Variants in ACSL1 observed in about 807,000 individuals in gnomAD.
ACSL1 encodes long-chain-fatty-acid--CoA ligase 1.
In ACSL1, 41 loss-of-function variants were observed where a neutral mutation model predicts 98.4. The ratio of observed to expected loss-of-function variants is 0.42; its 90% CI spans 0.32 to 0.54. The LOEUF is 0.54. Among genes scored for constraint, ACSL1 ranks in the 20% least tolerant of loss-of-function variants. ACSL1 has a pLI of 0.13. For missense variants in ACSL1, 734 were observed against 883.1 expected, an observed-to-expected ratio of 0.83 and a Z score of 2.14; for synonymous variants, 316 against 322.7, an observed-to-expected ratio of 0.98 and a Z score of 0.22.
intron 17 of ACSL1, 146 bp downstream of exon 17, chr4:184,762,261 C>T (rs930576308): frequency 2.9e-6 from 2 of 697,756 alleles, no homozygotes; most frequent in African/African-American, 1.8e-5. Context: ...GGAAATGGAA[C>T]AGTCTACATC....
intron 2 of ACSL1, among the ~76,000 whole-genome samples, chr4:184,796,277 T>A (rs536551607): frequency 6.6e-6 from 1 of 152,318 alleles, no homozygotes; most frequent in South Asian, 2.1e-4. Flanking sequence ...GCTCCTCAGT[T>A]TGCAGATGGC....
intron 4 of ACSL1, among the ~76,000 whole-genome samples, chr4:184,782,325 T>G: frequency 6.7e-6 from 1 of 149,776 alleles, no homozygotes. Context: ...ATTCATTGGA[T>G]GACTGAAAAA....
At chr4:184,819,142 T>C (rs867813641) in intron 1 of ACSL1, among the ~76,000 whole-genome samples, 6,172 of 127,154 alleles carry the variant, frequency 0.049, 407 homozygotes, top group African/African-American at 0.24. Context: ...TAGATGTACT[T>C]TTTTTTTTTT....
chr4:184,822,050 G>A (rs1165053116), intron 1 of ACSL1, among the ~76,000 whole-genome samples: 1 of 152,172 alleles, frequency 6.6e-6, no homozygotes, highest in African/African-American at 2.4e-5. Context: ...TTAGATATTA[G>A]ACAGCTTTCA....
At position 184,766,709 on chromosome 4, in the gene ACSL1, A is replaced by G. The variant is rs11727009; in HGVS notation, c.1176T>C (p.Phe392=). ...GCTCTGCTTCTTTCCTCTTGGAGGC[A>G]AAGTCCAAGAGCCATCGCTTCAGCG... ...NTTLKRWLLD[F]ASKRKEAELR... is the part of the protein sequence containing the mutation. The change falls in exon 13 of 21, where the codon TTT becomes TTC. Residue 392 remains phenylalanine, a synonymous_variant. Transcript: ENST00000281455. This position sits in a 1 kb window ranked among gnomAD's most constrained non-coding sequence, Gnocchi z 4.8. 379,947 of 1,613,762 alleles carry G rather than the reference A, an allele frequency of 0.24. 45,584 individuals are homozygous for G. Among genetic ancestry groups the G allele is most frequent in the Middle Eastern group, 0.28 (1,703 of 6,040 alleles).
At chr4:184,802,460 G>A (rs1466085328) in intron 2 of ACSL1, among the ~76,000 whole-genome samples, 4 of 152,020 alleles carry the variant, frequency 2.6e-5, no homozygotes, top group African/African-American at 7.2e-5. Flanking sequence ...TGCTGAATGC[G>A]GGAAACACTG....
At chr4:184,801,379 G>A (rs1270345112) in intron 2 of ACSL1, among the ~76,000 whole-genome samples, 1 of 152,146 alleles carries the variant, frequency 6.6e-6, no homozygotes, top group Non-Finnish European at 1.5e-5. Flanking sequence ...GCAGAATGAG[G>A]GTGGGAACTG....
At chr4:184,769,812 G>A (rs529560277) in intron 11 of ACSL1, among the ~76,000 whole-genome samples, 2 of 152,168 alleles carry the variant, frequency 1.3e-5, no homozygotes, top group Non-Finnish European at 2.9e-5. Flanking sequence ...TGTCAAAGAA[G>A]GAAAAAAGGT....
intron 6 of ACSL1, 61 bp downstream of exon 6, chr4:184,776,823 T>C: frequency 6.4e-7 from 1 of 1,564,030 alleles, no homozygotes; most frequent in South Asian, 1.1e-5. Context: ...TAAGCAAATG[T>C]AAAGTCACTG....
rs987512910 is a variant in ACSL1, at chr4:184,766,114, G to A, written c.1264-128C>T. 1.9e-5 allele frequency: 15 copies of A among 797,898 alleles called. No individual in the cohort carries two copies. The highest frequency in any genetic ancestry group is 5.1e-5 in the Admixed American group (2 of 39,298). 49.4% of individuals were successfully genotyped at this position (797,898 alleles called of 1,614,324 possible). A position where few individuals can be genotyped will look rare whatever the true frequency, so the allele number is the denominator to read the frequency against. On this transcript the variant is annotated intron_variant, in intron 13 of 20. Coordinates refer to ENST00000281455, the MANE Select transcript of ACSL1 (RefSeq NM_001995.5). This position sits in a 1 kb window ranked among gnomAD's most constrained non-coding sequence, Gnocchi z 4.8. ...GCTGCAGACCACACGGAGGCCACAC[G>A]GAGAACTCACAGCCCTCATGATGGC...
chr4:184,777,105 T>C (rs980080350), intron 5 of ACSL1, 122 bp from the exon 6 acceptor site: 1 of 816,608 alleles, frequency 1.2e-6, no homozygotes, highest in African/African-American at 1.7e-5. Flanking sequence ...AACATCTGTG[T>C]TAGCTACTAC....
At position 184,756,179 on chromosome 4, in the gene ACSL1, T is replaced by G. The variant is rs1303486024; in HGVS notation, c.*946A>C. 1 of 152,538 alleles carries G rather than the reference T, an allele frequency of 6.6e-6. No individual in the cohort carries two copies. 9.4% of individuals were successfully genotyped at this position (152,538 alleles called of 1,614,324 possible). ...AAAAGGCAAGTTAATCCCAACATGA[T>G]CTTTTGATATGAAAACCACATTAAA... On this transcript the variant is annotated 3_prime_UTR_variant, in exon 21 of 21. Coordinates refer to ENST00000281455, the MANE Select transcript of ACSL1 (RefSeq NM_001995.5).
chr4:184,784,447 A>G (rs1766876475), intron 3 of ACSL1, among the ~76,000 whole-genome samples: 1 of 152,234 alleles, frequency 6.6e-6, no homozygotes, highest in Non-Finnish European at 1.5e-5. Context: ...ATGTGTCCAA[A>G]TTTTGATGAC....
At chr4:184,785,421 T>C (rs1268048831) in intron 3 of ACSL1, among the ~76,000 whole-genome samples, 2 of 152,144 alleles carry the variant, frequency 1.3e-5, no homozygotes, top group Admixed American at 6.5e-5. Context: ...TCAATCTTTA[T>C]AAATGGCTTC....
chr4:184,782,356 C>G (rs1766446211), intron 4 of ACSL1, among the ~76,000 whole-genome samples: 1 of 148,318 alleles, frequency 6.7e-6, no homozygotes, highest in South Asian at 2.1e-4. Flanking sequence ...TTTGAATGTA[C>G]AAATCCAAAG....
chr4:184,779,362 A>G (rs979409638), intron 5 of ACSL1, among the ~76,000 whole-genome samples: 33 of 151,812 alleles, frequency 2.2e-4, no homozygotes, highest in East Asian at 5.8e-4. Context: ...AGTGCCTTTC[A>G]CCTCCTGCCA....
At chr4:184,791,443 C>T (rs1033337512) in intron 2 of ACSL1, among the ~76,000 whole-genome samples, 2 of 152,292 alleles carry the variant, frequency 1.3e-5, no homozygotes, top group Admixed American at 6.5e-5. Context: ...GTGTGCTCTG[C>T]GGAACACCTG....
chr4:184,782,606 C>T (rs1416126308), intron 4 of ACSL1, among the ~76,000 whole-genome samples: 1 of 152,172 alleles, frequency 6.6e-6, no homozygotes, highest in Non-Finnish European at 1.5e-5. Flanking sequence ...GCTGTTCTTA[C>T]ACTTGTGAAA....
chr4:184,809,081 A>C (rs1044490465), intron 1 of ACSL1, among the ~76,000 whole-genome samples: 4 of 152,252 alleles, frequency 2.6e-5, no homozygotes, highest in African/African-American at 9.6e-5. Context: ...AATTTTCATT[A>C]AAGTGATCTT....
Sources: allele counts gnomAD v4.1 joint callset (sites outside exome capture counted in the v4.1 genomes callset), GRCh38; gene constraint gnomAD v4.1.1; non-coding constraint Gnocchi (gnomAD v3.1); transcripts MANE v1.5; gene names NCBI Gene and HGNC (gene_info 2026-07-23, HGNC 2026-07-21).